Variants in BAZ2B observed in about 807,000 individuals in gnomAD.
BAZ2B encodes bromodomain adjacent to zinc finger domain 2B.
A neutral mutation model predicts 246.0 loss-of-function variants in BAZ2B; 91 were observed. The observed-to-expected ratio is 0.37, with a 90% CI of 0.31 to 0.44. BAZ2B has a LOEUF of 0.44. BAZ2B is among the 20% of genes least tolerant of loss of function. The pLI is 1.00. For missense variants in BAZ2B, 2,332 were observed against 2,533.7 expected (o/e 0.92, Z 1.71); for synonymous variants, 855 against 860.0 (o/e 0.99, Z 0.10).
the BAZ2B span, among the ~76,000 whole-genome samples, chr2:159,659,422 G>C: frequency 6.6e-6 from 1 of 152,112 alleles, no homozygotes. Flanking sequence ...TGTGTAGTTT[G>C]CTAGTTAGCA....
chr2:159,420,638 T>G (rs1278498517), intron 13 of BAZ2B, among the ~76,000 whole-genome samples: 1 of 152,172 alleles, frequency 6.6e-6, no homozygotes, highest in Admixed American at 6.5e-5. Flanking sequence ...TATTTCAAAA[T>G]AATACGTTAT....
At chr2:159,512,068 C>A (rs890429319) in intron 2 of BAZ2B, among the ~76,000 whole-genome samples, 5 of 152,022 alleles carry the variant, frequency 3.3e-5, no homozygotes, top group African/African-American at 1.2e-4. Flanking sequence ...AATATATAGA[C>A]AATGTAAAGT....
At chr2:159,407,111 C>T (rs887877054) in intron 14 of BAZ2B, among the ~76,000 whole-genome samples, 1 of 151,852 alleles carries the variant, frequency 6.6e-6, no homozygotes, top group Non-Finnish European at 1.5e-5. Flanking sequence ...ATAAGATCAA[C>T]ATGATTGCCC....
chr2:159,327,624 T>C (rs1334821964), intron 34 of BAZ2B, among the ~76,000 whole-genome samples: 1 of 152,222 alleles, frequency 6.6e-6, no homozygotes, highest in African/African-American at 2.4e-5. Flanking sequence ...GAAGAAAAAG[T>C]CCATTTAATG....
At chr2:159,462,176 T>A in intron 3 of BAZ2B, 1 of 380,038 alleles carries the variant, frequency 2.6e-6, no homozygotes, top group African/African-American at 2.1e-5. Context: ...AAAAAAGACT[T>A]ACACTTGGAT....
intron 12 of BAZ2B, 89 bp from the exon 13 acceptor site, chr2:159,428,131 G>T: frequency 1.6e-6 from 2 of 1,281,674 alleles, no homozygotes; most frequent in Non-Finnish European, 2.2e-6. Context: ...CTAATGTTTT[G>T]CATATTCTAT....
At chr2:159,538,027 C>T (rs995572660) in intron 2 of BAZ2B, among the ~76,000 whole-genome samples, 1 of 152,114 alleles carries the variant, frequency 6.6e-6, no homozygotes, top group African/African-American at 2.4e-5. Flanking sequence ...GGAGGAGTCT[C>T]ACTCTGTTGC....
At chr2:159,408,416 T>A (rs1157039470) in intron 14 of BAZ2B, among the ~76,000 whole-genome samples, 1 of 152,182 alleles carries the variant, frequency 6.6e-6, no homozygotes, top group Non-Finnish European at 1.5e-5. Flanking sequence ...AGCAATCCTC[T>A]CACCTTGGCC....
At chr2:159,695,999 G>A in the BAZ2B span, among the ~76,000 whole-genome samples, 4 of 152,114 alleles carry the variant, frequency 2.6e-5, no homozygotes, top group Non-Finnish European at 2.9e-5. Flanking sequence ...GACCTCAAGC[G>A]ATCCCCAACC....
chr2:159,651,877 C>T, the BAZ2B span, among the ~76,000 whole-genome samples: 1 of 152,108 alleles, frequency 6.6e-6, no homozygotes, highest in African/African-American at 2.4e-5. Context: ...TTATTGGTAC[C>T]TCATTCTGCT....
intron 27 of BAZ2B, among the ~76,000 whole-genome samples, chr2:159,358,881 A>G (rs982969266): frequency 6.6e-6 from 1 of 152,238 alleles, no homozygotes; most frequent in Non-Finnish European, 1.5e-5. Context: ...TAACGAAATG[A>G]AGGCAGAAAT....
Position 159,325,122 on chromosome 2 carries a change from T to C in BAZ2B, c.6210-168A>G, listed in dbSNP as rs1434635169. Among the ~76,000 whole-genome samples, 39 of 23,816 alleles carry C rather than the reference T, an allele frequency of 1.6e-3. 9 individuals carry two copies. Among genetic ancestry groups the C allele is most frequent in the East Asian group, 7.8e-3 (4 of 516 alleles). The allele number at this position is 23,816 out of a possible 152,430, so 15.6% of individuals were successfully genotyped here. ...TATATATATATATATATATTTTATA[T>C]ATATATATATATATATATATATATA... is the stretch of plus-strand genomic sequence containing the variant. On this transcript the variant is annotated intron_variant, in intron 35 of 36. Coordinates refer to ENST00000392783, the MANE Select transcript of BAZ2B (RefSeq NM_013450.4).
chr2:159,443,196 TA>T (rs1290542697), intron 6 of BAZ2B, among the ~76,000 whole-genome samples: 2 of 152,234 alleles, frequency 1.3e-5, no homozygotes, highest in Non-Finnish European at 2.9e-5. Context: ...TTTTAAAGGC[TA>T]TTTTGGTTGT....
chr2:159,415,545 A>G (rs1174526935), intron 13 of BAZ2B, among the ~76,000 whole-genome samples: 4 of 152,112 alleles, frequency 2.6e-5, no homozygotes, highest in Non-Finnish European at 4.4e-5. Flanking sequence ...GTCCAAAATA[A>G]TATGTTCAGA....
chr2:159,512,954 A>T (rs1228058747), intron 2 of BAZ2B, among the ~76,000 whole-genome samples: 2 of 152,148 alleles, frequency 1.3e-5, no homozygotes, highest in Non-Finnish European at 2.9e-5. Flanking sequence ...AGTCTAAAAA[A>T]TTTTTAATTT....
chr2:159,674,455 C>G, the BAZ2B span, among the ~76,000 whole-genome samples: 4 of 151,644 alleles, frequency 2.6e-5, no homozygotes, highest in South Asian at 2.1e-4. Context: ...TGGCTCATGC[C>G]TGCATTCCCA....
intron 1 of BAZ2B, among the ~76,000 whole-genome samples, chr2:159,609,010 G>T (rs2151805952): frequency 6.6e-6 from 1 of 152,218 alleles, no homozygotes; most frequent in Non-Finnish European, 1.5e-5. Flanking sequence ...AATCACTCAG[G>T]TATTCACTTA....
At chr2:159,379,935 T>G (rs1048416765) in intron 25 of BAZ2B, among the ~76,000 whole-genome samples, 2 of 152,128 alleles carry the variant, frequency 1.3e-5, no homozygotes, top group Non-Finnish European at 2.9e-5. Flanking sequence ...TCTTTTCTGA[T>G]AAAAGGTGAA....
the BAZ2B span, among the ~76,000 whole-genome samples, chr2:159,701,687 ATAT>A: frequency 6.8e-6 from 1 of 147,594 alleles, no homozygotes; most frequent in African/African-American, 2.5e-5. Flanking sequence ...ATATTGTATT[ATAT>A]TATACTTTTA....
Sources: gnomAD v4.1 joint callset for allele counts (sites outside exome capture counted in the v4.1 genomes callset) on GRCh38, gnomAD v4.1.1 for gene constraint, MANE v1.5 for transcripts, NCBI Gene and HGNC (gene_info 2026-07-23, HGNC 2026-07-21) for gene names.